ARHGAP42: variants seen among roughly 807,000 people sequenced by gnomAD.
The protein encoded by ARHGAP42 is Rho GTPase activating protein 42, also known as rho GTPase-activating protein 42.
In ARHGAP42, 63 loss-of-function variants were observed where a neutral mutation model predicts 125.0. The observed-to-expected ratio is 0.50, with a 90% confidence interval of 0.41 to 0.62. The LOEUF (loss-of-function observed/expected upper bound fraction) is 0.62. ARHGAP42 is among the 20% of genes least tolerant of loss of function. The pLI is 0.00. For synonymous variants in ARHGAP42, 339 were observed against 351.0 expected, an observed-to-expected ratio of 0.97 and a Z score of 0.38; for missense variants, 766 against 1,024.2, an observed-to-expected ratio of 0.75 and a Z score of 3.44.
intron 10 of ARHGAP42, among the ~76,000 whole-genome samples, chr11:100,948,073 T>G (rs539455629): frequency 3.0e-4 from 46 of 152,162 alleles, no homozygotes; most frequent in Admixed American, 3.0e-3. Flanking sequence ...TTTTAGTGAC[T>G]AGACTGTACC....
In ARHGAP42 at chr11:100,814,904, G is replaced by A. The variant is rs1303047805; in HGVS notation, c.312+19738G>A. The stretch of plus-strand genomic sequence containing the variant: ...ACTTAGTATGTACAGATATGTAGGA[G>A]CCTTCACATACGGTGTTTCTTCTTC... On this transcript the variant is annotated intron_variant, in intron 3 of 23. Coordinates refer to ENST00000298815, the MANE Select transcript of ARHGAP42 (RefSeq NM_152432.4). Among the ~76,000 whole-genome samples the A allele has an allele frequency of 2.0e-5, 3 of 152,228 alleles. No individual in the cohort carries two copies. In the East Asian group the frequency reaches 5.8e-4, roughly 29 times the overall value.
intron 13 of ARHGAP42, among the ~76,000 whole-genome samples, 157 bp from the exon 14 acceptor site, chr11:100,960,758 G>A (rs1207429020): frequency 1.3e-5 from 2 of 152,104 alleles, no homozygotes; most frequent in Non-Finnish European, 2.9e-5. Flanking sequence ...AGAAATAGAA[G>A]TCTGATGGGT....
In ARHGAP42 at chr11:100,687,298, C is replaced by A. The variant is rs1039835067; in HGVS notation, c.-381C>A. Among the ~76,000 whole-genome samples, 1 of 152,076 alleles carries A rather than the reference C, an allele frequency of 6.6e-6. No homozygotes were observed. Among genetic ancestry groups the A allele is most frequent in the African/African-American group, 2.4e-5 (1 of 41,426 alleles). ...CGCTGCTTCTGGCTCACAACGCCGA[C>A]GACTGTCAAGAGAGTTGGGGAGTGG... is the stretch of plus-strand genomic sequence containing the variant. On this transcript the variant is annotated 5_prime_UTR_variant, in exon 1 of 24. Transcript: ENST00000298815.
intron 1 of ARHGAP42, among the ~76,000 whole-genome samples, chr11:100,697,433 C>G (rs926092240): frequency 1.3e-5 from 2 of 152,170 alleles, no homozygotes; most frequent in African/African-American, 4.8e-5. Flanking sequence ...CCGCCCGCCT[C>G]GGCCTCCCAA....
At chr11:100,955,683 G>A (rs1857784911) in intron 12 of ARHGAP42, among the ~76,000 whole-genome samples, 1 of 152,102 alleles carries the variant, frequency 6.6e-6, no homozygotes, top group African/African-American at 2.4e-5. Flanking sequence ...TGCCCCAGAA[G>A]TACCTTGTCC....
chr11:100,837,631 A>C (rs1390030718), intron 3 of ARHGAP42, among the ~76,000 whole-genome samples: 1 of 143,478 alleles, frequency 7.0e-6, no homozygotes, highest in African/African-American at 2.6e-5. Flanking sequence ...TTTTCCCGGA[A>C]ATTCACAGGC....
chr11:100,870,921 A>T (rs1288567336), intron 4 of ARHGAP42, among the ~76,000 whole-genome samples: 1 of 150,602 alleles, frequency 6.6e-6, no homozygotes, highest in Non-Finnish European at 1.5e-5. Flanking sequence ...AGAGTTTATT[A>T]TCAGAGTGAT....
intron 1 of ARHGAP42, among the ~76,000 whole-genome samples, chr11:100,754,460 A>C (rs1305751207): frequency 1.3e-5 from 2 of 152,214 alleles, no homozygotes; most frequent in Non-Finnish European, 2.9e-5. Flanking sequence ...GGCCACTCCT[A>C]ATTATCTTCT....
chr11:100,915,961 G>C (rs1419093490), intron 5 of ARHGAP42, among the ~76,000 whole-genome samples: 1 of 152,150 alleles, frequency 6.6e-6, no homozygotes, highest in African/African-American at 2.4e-5. Context: ...CTCCTTTCTA[G>C]AACAGCTCTG....
At chr11:100,818,418 A>G (rs542956663) in intron 3 of ARHGAP42, among the ~76,000 whole-genome samples, 1 of 152,188 alleles carries the variant, frequency 6.6e-6, no homozygotes, top group Non-Finnish European at 1.5e-5. Flanking sequence ...GCACACAGGC[A>G]GACTGTTACC....
chr11:100,878,908 A>G (rs1193819887), intron 4 of ARHGAP42, among the ~76,000 whole-genome samples: 1 of 151,952 alleles, frequency 6.6e-6, no homozygotes, highest in African/African-American at 2.4e-5. Flanking sequence ...TATATAGTAT[A>G]TAAAAATTCT....
At chr11:100,786,848 G>A (rs533646156) in intron 2 of ARHGAP42, among the ~76,000 whole-genome samples, 56 of 152,198 alleles carry the variant, frequency 3.7e-4, no homozygotes, top group African/African-American at 1.2e-3. Flanking sequence ...ATATGGTTTG[G>A]CTCTGTGTCC....
intron 3 of ARHGAP42, among the ~76,000 whole-genome samples, chr11:100,825,497 C>T (rs1864494334): frequency 6.6e-6 from 1 of 152,100 alleles, no homozygotes; most frequent in Non-Finnish European, 1.5e-5. Context: ...TTTTATTATA[C>T]CAGAATAAGC....
intron 2 of ARHGAP42, among the ~76,000 whole-genome samples, chr11:100,776,284 G>A (rs1204811753): frequency 6.6e-6 from 1 of 152,198 alleles, no homozygotes; most frequent in Non-Finnish European, 1.5e-5. Flanking sequence ...AAGTCCAGTT[G>A]CGATTGTGCG....
intron 1 of ARHGAP42, among the ~76,000 whole-genome samples, chr11:100,699,500 ATATATATTTTTTTTTTTTTTTTTTTTTT>A (rs1357397329): frequency 5.0e-5 from 2 of 40,148 alleles, no homozygotes; most frequent in African/African-American, 2.2e-4. Flanking sequence ...ATATATATAT[ATATATATTTTTTTTTTTTTTTTTTTTTT>A]TTTTTTTTTT....
intron 1 of ARHGAP42, among the ~76,000 whole-genome samples, chr11:100,723,770 A>G (rs1204453425): frequency 6.6e-6 from 1 of 151,900 alleles, no homozygotes; most frequent in Admixed American, 6.6e-5. Flanking sequence ...TGTTTATATT[A>G]GCTAGGATTT....
chr11:100,751,541 G>A (rs540500703), intron 1 of ARHGAP42, among the ~76,000 whole-genome samples: 1 of 151,876 alleles, frequency 6.6e-6, no homozygotes, highest in Admixed American at 6.6e-5. Context: ...GTGTTCCTGG[G>A]TAGAAACCTG....
Position 100,933,240 on chromosome 11 carries a change from C to A in ARHGAP42, c.682C>A (p.Leu228Met). The A allele has an allele frequency of 6.5e-7, 1 of 1,549,928 alleles. No individual in the cohort carries two copies. Among genetic ancestry groups the A allele is most frequent in the South Asian group, 1.2e-5 (1 of 83,938 alleles). ...AQEFAPYKQQ[L>M]QFNLQNTRNN... ...GGAATTTGCACCGTATAAGCAACAG[C>A]TGCAGTTCAACTTGCAGAATGTAAG... The change falls in exon 7 of 24, where the codon CTG becomes ATG. Residue 228 changes from leucine (L) to methionine (M), a missense_variant. Transcript: ENST00000298815.
chr11:100,688,121 G>A (rs944264013), intron 1 of ARHGAP42, among the ~76,000 whole-genome samples: 2 of 150,040 alleles, frequency 1.3e-5, no homozygotes, highest in African/African-American at 2.5e-5. Context: ...AAGATGTTGG[G>A]GACTTTAATT....
Sources: gnomAD v4.1 joint callset for allele counts (sites outside exome capture counted in the v4.1 genomes callset) on GRCh38, gnomAD v4.1.1 for gene constraint, MANE v1.5 for transcripts, NCBI Gene and HGNC (gene_info 2026-07-23, HGNC 2026-07-21) for gene names.